LOXHD1: variants seen among roughly 807,000 people sequenced by gnomAD.
LOXHD1 encodes the protein lipoxygenase homology PLAT domains 1.
In LOXHD1, 205 loss-of-function variants were observed where a neutral mutation model predicts 248.2. The ratio of observed to expected loss-of-function variants is 0.83; its 90% CI spans 0.74 to 0.93. The LOEUF is 0.93. LOXHD1 is among the 40% of genes least tolerant of loss of function. The pLI is 0.00. For synonymous variants in LOXHD1, 1,113 were observed against 1,162.8 expected (o/e 0.96, Z 0.87); for missense variants, 2,930 against 2,971.6 (o/e 0.99, Z 0.33).
chr18:46,634,878 C>T (rs917339720), intron 4 of LOXHD1, among the ~76,000 whole-genome samples: 1 of 152,150 alleles, frequency 6.6e-6, no homozygotes, highest in African/African-American at 2.4e-5. Flanking sequence ...GTGACGGTTG[C>T]ACAACAATGT....
intron 14 of LOXHD1, among the ~76,000 whole-genome samples, chr18:46,573,183 A>G (rs1310239154): frequency 2.6e-5 from 4 of 152,170 alleles, no homozygotes; most frequent in African/African-American, 9.7e-5. Context: ...ATTGCCTTCC[A>G]GGAGAAGCTG....
chr18:46,571,304 G>GA (rs202124120), intron 15 of LOXHD1, among the ~76,000 whole-genome samples: 10 of 151,592 alleles, frequency 6.6e-5, no homozygotes, highest in African/African-American at 7.3e-5. Flanking sequence ...CCCATCTGTA[G>GA]AAAAAAAATA....
chr18:46,560,048 T>TGCCTGGGCCCCC, intron 19 of LOXHD1, 35 bp downstream of exon 19: 1 of 1,226,298 alleles, frequency 8.2e-7, no homozygotes, highest in Non-Finnish European at 1.1e-6. Flanking sequence ...GTCTGGCCAC[T>TGCCTGGGCCCCC]CCCTCCCCAC....
chr18:46,625,782 A>G (rs2038733561), intron 4 of LOXHD1, among the ~76,000 whole-genome samples: 1 of 152,168 alleles, frequency 6.6e-6, no homozygotes, highest in African/African-American at 2.4e-5. Context: ...GCCACTGCCC[A>G]GCCCTGAAGA....
At chr18:46,487,791 A>G (rs1017317991) in intron 38 of LOXHD1, among the ~76,000 whole-genome samples, 8 of 152,224 alleles carry the variant, frequency 5.3e-5, no homozygotes, top group Non-Finnish European at 7.3e-5. Context: ...GAGAAGAGAG[A>G]AAGAGACGTA....
At chr18:46,580,190 G>A (rs924611172) in intron 12 of LOXHD1, among the ~76,000 whole-genome samples, 15 of 152,222 alleles carry the variant, frequency 9.9e-5, no homozygotes, top group Admixed American at 8.5e-4. Flanking sequence ...CTTTCTTGGG[G>A]GACTCTGATG....
intron 6 of LOXHD1, among the ~76,000 whole-genome samples, chr18:46,605,314 C>G (rs1264178140): frequency 3.3e-5 from 5 of 152,078 alleles, no homozygotes. Context: ...ATCACGAGGT[C>G]AGGAGATCAA....
chr18:46,593,145 A>G (rs1313805649), intron 10 of LOXHD1, among the ~76,000 whole-genome samples: 1 of 142,744 alleles, frequency 7.0e-6, no homozygotes, highest in African/African-American at 3.1e-5. Context: ...CCATTGGGGG[A>G]AAAAATCTTT....
intron 9 of LOXHD1, 86 bp from the exon 10 acceptor site, chr18:46,593,846 T>C: frequency 2.8e-6 from 4 of 1,424,852 alleles, no homozygotes; most frequent in Non-Finnish European, 3.9e-6. Flanking sequence ...AAATCCAAAA[T>C]GATCAGGACT....
chr18:46,564,115 T>C (rs914795615), intron 17 of LOXHD1, among the ~76,000 whole-genome samples: 7 of 148,786 alleles, frequency 4.7e-5, no homozygotes, highest in Admixed American at 1.3e-4. Context: ...TGTGTGTGTG[T>C]GTGCACGCAC....
rs549947800 is a variant in LOXHD1 at position 46,621,519 on chromosome 18, C to A, written c.512-3229G>T. Among the ~76,000 whole-genome samples the A allele has an allele frequency of 4.2e-4, 64 of 152,312 alleles. No individual in the cohort carries two copies. The South Asian group carries it at 0.013, about 31-fold the overall frequency. ...TTCTGTCACTGTTGGCAAACGTCAG[C>A]TCAGGGCATCAAGCCTTCCTGTCAC... On this transcript the variant is annotated intron_variant, in intron 4 of 40. Transcript: ENST00000642948.
At chr18:46,550,271 A>AT (rs1321473459) in intron 21 of LOXHD1, among the ~76,000 whole-genome samples, 1 of 152,178 alleles carries the variant, frequency 6.6e-6, no homozygotes, top group Non-Finnish European at 1.5e-5. Context: ...GCTGTAAGGG[A>AT]TTTTTAAGAG....
chr18:46,529,729 G>C (rs879352062), intron 28 of LOXHD1, among the ~76,000 whole-genome samples: 1 of 152,114 alleles, frequency 6.6e-6, no homozygotes, highest in African/African-American at 2.4e-5. Flanking sequence ...TCCCATTTGA[G>C]GGTGACCAGT....
chr18:46,615,168 C>T (rs1469414932), intron 5 of LOXHD1, among the ~76,000 whole-genome samples: 1 of 152,142 alleles, frequency 6.6e-6, no homozygotes, highest in Non-Finnish European at 1.5e-5. Context: ...GATGATGTGG[C>T]AGAAGAGGAC....
chr18:46,507,819 AC>A, intron 35 of LOXHD1, 107 bp from the exon 36 acceptor site: 6 of 1,236,954 alleles, frequency 4.9e-6, no homozygotes, highest in Non-Finnish European at 6.6e-6. Flanking sequence ...GAGATCCCAG[AC>A]CTGAGACAAG....
intron 14 of LOXHD1, among the ~76,000 whole-genome samples, chr18:46,573,433 G>C (rs1878060): frequency 6.6e-6 from 1 of 152,186 alleles, no homozygotes; most frequent in Non-Finnish European, 1.5e-5. Context: ...CAGCAGAATA[G>C]ATACCGTTCA....
rs1388495138 is a variant in LOXHD1, at chr18:46,522,255, T to A, written c.4931A>T (p.Asp1644Val). The A allele has an allele frequency of 1.3e-6, 2 of 1,551,836 alleles. No homozygotes were observed. The highest frequency in any genetic ancestry group is 2.4e-5 in the South Asian group (2 of 84,062). Residue 1644 changes from aspartate to valine, a missense_variant, in exon 32 of 41, where the codon GAC becomes GTC. Physicochemically the swap from Asp to Val is radical, Grantham distance 152. Coordinates refer to ENST00000642948, the MANE Select transcript of LOXHD1 (RefSeq NM_001384474.1). ...TTGKHKDAAT[D>V]SRAFIFLIGE... ...GATGAGAAAGATGAAGGCTCGGCTG[T>A]CAGTGGCCGCGTCCTTGTGCTTCCC... is the stretch of plus-strand genomic sequence containing the variant.
chr18:46,503,896 G>A (rs1229890529), intron 37 of LOXHD1, among the ~76,000 whole-genome samples: 1 of 152,086 alleles, frequency 6.6e-6, no homozygotes, highest in Non-Finnish European at 1.5e-5. Flanking sequence ...AATGGTGGCT[G>A]GCAAGATGGG....
intron 4 of LOXHD1, among the ~76,000 whole-genome samples, chr18:46,630,942 C>T (rs550678132): frequency 6.6e-6 from 1 of 152,202 alleles, no homozygotes; most frequent in African/African-American, 2.4e-5. Flanking sequence ...GAGCAACTTG[C>T]CCAGAGTCAC....
Sources: allele counts gnomAD v4.1 joint callset (sites outside exome capture counted in the v4.1 genomes callset), GRCh38; gene constraint gnomAD v4.1.1; transcripts MANE v1.5; gene names NCBI Gene and HGNC (gene_info 2026-07-23, HGNC 2026-07-21).